Variants in LETM2 observed in about 807,000 individuals in gnomAD.
The protein encoded by LETM2 is leucine zipper and EF-hand containing transmembrane protein 2.
LETM2 carries 58 observed loss-of-function variants against 59.6 expected under a neutral mutation model. That is an observed-to-expected ratio of 0.97 (90% confidence interval 0.79 to 1.21). The LOEUF (loss-of-function observed/expected upper bound fraction) is 1.21, where lower values mean the gene tolerates loss of function less well. LETM2 is among the 50% of genes most tolerant of loss of function. The pLI is 0.00. For missense variants in LETM2, 572 were observed against 575.7 expected (o/e 0.99, Z 0.07); for synonymous variants, 199 against 214.1 (o/e 0.93, Z 0.62).
intron 9 of LETM2, 60 bp downstream of exon 9, chr8:38,407,098 A>T: frequency 9.9e-7 from 1 of 1,012,914 alleles, no homozygotes; most frequent in Admixed American, 1.8e-5. Context: ...GCAATGGGTC[A>T]TTTTCTCCTG....
chr8:38,407,546 G>C, intron 10 of LETM2, 83 bp downstream of exon 10: 1 of 924,218 alleles, frequency 1.1e-6, no homozygotes. Flanking sequence ...TCTAGAATTA[G>C]TCCTGTTGCA....
chr8:38,399,622 T>TA (rs746444868), intron 4 of LETM2, among the ~76,000 whole-genome samples: 4 of 151,624 alleles, frequency 2.6e-5, no homozygotes, highest in Non-Finnish European at 4.4e-5. Context: ...CTACTAAAAA[T>TA]AAAAAATCAG....
chr8:38,408,358 GTCT>G lies in LETM2; in HGVS notation c.*85_*87del. ...TGTAAAGGACCTCCCAGATAAGACTGTCTGGCTTCAGAGAGCGGATCAGCTGTT... is the reference window on the plus strand; with the variant it reads ...TGTAAAGGACCTCCCAGATAAGACTGGGCTTCAGAGAGCGGATCAGCTGTT... On this transcript the variant is annotated 3_prime_UTR_variant, in exon 11 of 11. Transcript: ENST00000379957. The G allele has an allele frequency of 8.3e-7, 1 of 1,200,328 alleles. No homozygotes were observed. Among genetic ancestry groups the G allele is most frequent in the Non-Finnish European group, 1.2e-6 (1 of 825,922 alleles). The allele number at this position is 1,200,328 out of a possible 1,614,324, so 74.4% of individuals were successfully genotyped here. A position where few individuals can be genotyped will look rare whatever the true frequency, so the allele number is the denominator to read the frequency against.
At chr8:38,390,980 G>A (rs754681710) in intron 2 of LETM2, among the ~76,000 whole-genome samples, 6 of 151,458 alleles carry the variant, frequency 4.0e-5, no homozygotes, top group Non-Finnish European at 5.9e-5. Flanking sequence ...CGTGCCTGGC[G>A]ACAAATTTTT....
Position 38,407,460 on chromosome 8 carries a change from A to T in LETM2, c.1410A>T (p.Glu470Asp), listed in dbSNP as rs1367696079. Residue 470 changes from glutamate (E) to aspartate (D), a missense_variant, in exon 10 of 11, where the codon GAA (glutamate) becomes GAT (aspartate). Physicochemically the swap from Glu to Asp is conservative, Grantham distance 45. Transcript: ENST00000379957. ...AAGGACCCATCACTTCTTCTGAAGA[A>T]CCTGTAAGTATCTTTAATAAATGAA... ...LPKGPITSSE[E>D]PTLQAKSQMT... The T allele has an allele frequency of 3.8e-6, 6 of 1,569,362 alleles. No individual in the cohort carries two copies. The highest frequency in any genetic ancestry group is 5.3e-6 in the Non-Finnish European group (6 of 1,139,666).
Position 38,402,172 on chromosome 8 carries a change from T to A in LETM2, c.985-353T>A, listed in dbSNP as rs536284768. 2.6e-5 allele frequency among the ~76,000 whole-genome samples: 4 copies of A among 152,228 alleles called. No individual in the cohort carries two copies. In the South Asian group the frequency reaches 8.3e-4, roughly 32 times the overall value. ...ACAGGGACATGCAACAAATGGTACA[T>A]TGTGAGCTTTTCAAGTGAACTACTT... On this transcript the variant is annotated intron_variant, in intron 6 of 10. Transcript: ENST00000379957.
At position 38,400,864 on chromosome 8, in the gene LETM2, C is replaced by T; in HGVS notation, c.795C>T (p.Gly265=). 1 of 1,614,126 alleles carries T rather than the reference C, an allele frequency of 6.2e-7. No homozygotes were observed. The highest frequency in any genetic ancestry group is 8.5e-7 in the Non-Finnish European group (1 of 1,180,002). Residue 265 remains glycine, a synonymous_variant, in exon 6 of 11, where the codon GGC becomes GGT. Coordinates refer to ENST00000379957, the MANE Select transcript of LETM2 (RefSeq NM_001286819.2). ...LSSYVKQVQT[G]HKPSTKEIVR... ...GTCCCACTGCATAGGTCCAGACAGG[C>T]CACAAGCCCAGCACAAAGGAGATAG...
chr8:38,400,761 A>T (rs929036328), intron 5 of LETM2, 92 bp from the exon 6 acceptor site: 1 of 1,131,084 alleles, frequency 8.8e-7, no homozygotes, highest in Non-Finnish European at 1.3e-6. Flanking sequence ...AGAGTCCCAT[A>T]AATGCTTTGA....
At chr8:38,387,692 AATGTCTCTGAAG>A (rs1482569822) in intron 1 of LETM2, among the ~76,000 whole-genome samples, 17 of 152,214 alleles carry the variant, frequency 1.1e-4, no homozygotes, top group South Asian at 8.3e-4. Context: ...CAGAAATCAA[AATGTCTCTGAAG>A]ATTGTACCAT....
Position 38,408,409 on chromosome 8 carries a change from A to G in LETM2, c.*135A>G. Reference sequence around the variant, plus strand: ...GTTTAGCCCGTGGGGCAGTCCTTTGAGGCCTGGTAACCATTCCAGGTGATG... The same window carrying G: ...GTTTAGCCCGTGGGGCAGTCCTTTGGGGCCTGGTAACCATTCCAGGTGATG... On this transcript the variant is annotated 3_prime_UTR_variant, in exon 11 of 11. Transcript: ENST00000379957. 1.4e-6 allele frequency: 1 copy of G among 705,548 alleles called. No homozygotes were observed. The highest frequency in any genetic ancestry group is 1.8e-5 in the South Asian group (1 of 55,836). 43.7% of individuals were successfully genotyped at this position (705,548 alleles called of 1,614,324 possible). A position where few individuals can be genotyped will look rare whatever the true frequency, so the allele number is the denominator to read the frequency against.
chr8:38,389,662 C>T (rs932820308), intron 2 of LETM2, among the ~76,000 whole-genome samples: 1 of 151,940 alleles, frequency 6.6e-6, no homozygotes, highest in Non-Finnish European at 1.5e-5. Context: ...AATCTCAGTA[C>T]TTTTGGAAGC....
intron 2 of LETM2, among the ~76,000 whole-genome samples, chr8:38,389,832 C>T (rs1338439412): frequency 3.3e-5 from 5 of 151,746 alleles, no homozygotes; most frequent in Admixed American, 1.3e-4. Flanking sequence ...AACCCCGTCT[C>T]TACTAAAAAT....
chr8:38,391,326 A>G (rs1174837877), intron 2 of LETM2, among the ~76,000 whole-genome samples: 3 of 121,236 alleles, frequency 2.5e-5, no homozygotes, highest in African/African-American at 9.6e-5. Flanking sequence ...TTTTTTTTAG[A>G]CAAGTCTCGC....
At chr8:38,387,256 T>C (rs1038292110) in intron 1 of LETM2, 5 of 152,266 alleles carry the variant, frequency 3.3e-5, no homozygotes, top group African/African-American at 1.2e-4. Context: ...GGAGAGCTCC[T>C]GGAACTCTTT....
At chr8:38,402,074 C>T (rs756030263) in intron 6 of LETM2, among the ~76,000 whole-genome samples, 1 of 152,074 alleles carries the variant, frequency 6.6e-6, no homozygotes, top group African/African-American at 2.4e-5. Context: ...GTGTTATTTA[C>T]TGAGGGAGTT....
Position 38,408,546 on chromosome 8 carries a change from G to A in LETM2, c.*272G>A. On this transcript the variant is annotated 3_prime_UTR_variant, in exon 11 of 11. Transcript: ENST00000379957. The stretch of plus-strand genomic sequence containing the variant: ...TTGTATAAAGCCCACCCCCCATCAT[G>A]TTGTTTTTTTAGTTTCATGTGTACG... 1 of 322,036 alleles carries A rather than the reference G, an allele frequency of 3.1e-6. No homozygotes were observed. Among genetic ancestry groups the A allele is most frequent in the Non-Finnish European group, 5.8e-6 (1 of 171,844 alleles). 19.9% of individuals were successfully genotyped at this position (322,036 alleles called of 1,614,324 possible).
chr8:38,408,166 TA>T, intron 10 of LETM2, 45 bp from the exon 11 acceptor site: 1 of 1,497,130 alleles, frequency 6.7e-7, no homozygotes, highest in Non-Finnish European at 9.2e-7. Context: ...CTTAAGAACT[TA>T]CACGTCTGTG....
intron 4 of LETM2, 109 bp from the exon 5 acceptor site, chr8:38,400,163 C>A: frequency 2.6e-6 from 2 of 780,852 alleles, no homozygotes; most frequent in Non-Finnish European, 3.9e-6. Flanking sequence ...CACGTTATTA[C>A]ATGATGTAGG....
At chr8:38,399,881 G>A (rs1813033266) in intron 4 of LETM2, among the ~76,000 whole-genome samples, 1 of 152,106 alleles carries the variant, frequency 6.6e-6, no homozygotes, top group African/African-American at 2.4e-5. Flanking sequence ...GGGAGGTGGA[G>A]GTTGCGGTGA....
Sources: gnomAD v4.1 joint callset for allele counts (sites outside exome capture counted in the v4.1 genomes callset) on GRCh38, gnomAD v4.1.1 for gene constraint, MANE v1.5 for transcripts, NCBI Gene and HGNC (gene_info 2026-07-23, HGNC 2026-07-21) for gene names.